Variants in PXDNL observed in about 807,000 individuals in gnomAD.
PXDNL encodes the protein probable oxidoreductase PXDNL.
A neutral mutation model predicts 150.8 loss-of-function variants in PXDNL; 145 were observed. The observed-to-expected ratio is 0.96, with a 90% CI of 0.84 to 1.10. The LOEUF (loss-of-function observed/expected upper bound fraction) is 1.10, where lower values mean the gene tolerates loss of function less well. PXDNL is among the 50% of genes least tolerant of loss of function. PXDNL has a pLI of 0.00. For missense variants in PXDNL, 2,087 were observed against 1,873.9 expected (o/e 1.11, Z -2.10); for synonymous variants, 757 against 725.7 (o/e 1.04, Z -0.69).
chr8:51,696,053 C>T (rs2130870789), intron 1 of PXDNL, among the ~76,000 whole-genome samples: 1 of 152,286 alleles, frequency 6.6e-6, no homozygotes, highest in East Asian at 1.9e-4. Flanking sequence ...AAACAAATGT[C>T]ATGCATTTCA....
intron 2 of PXDNL, among the ~76,000 whole-genome samples, chr8:51,641,905 A>C (rs1814765179): frequency 1.3e-5 from 2 of 152,306 alleles, no homozygotes; most frequent in South Asian, 4.1e-4. Flanking sequence ...ACACATGCAC[A>C]CGTATGTTTA....
At chr8:51,528,301 A>C (rs370671394) in intron 4 of PXDNL, among the ~76,000 whole-genome samples, 2,397 of 152,272 alleles carry the variant, frequency 0.016, 66 homozygotes, top group African/African-American at 0.055. Context: ...ACTGAAGACA[A>C]AAAGTGTGTT....
intron 22 of PXDNL, 121 bp downstream of exon 22, chr8:51,320,663 A>G: frequency 1.4e-6 from 1 of 711,158 alleles, no homozygotes. Flanking sequence ...GATCTTAAAA[A>G]TATGCCTAGA....
intron 2 of PXDNL, among the ~76,000 whole-genome samples, chr8:51,646,465 A>C (rs1404330893): frequency 1.3e-5 from 2 of 152,216 alleles, no homozygotes; most frequent in Non-Finnish European, 2.9e-5. Context: ...TATTTCAAAA[A>C]GGAGGAGTTG....
chr8:51,721,057 G>A (rs571441809), intron 1 of PXDNL, among the ~76,000 whole-genome samples: 60 of 152,358 alleles, frequency 3.9e-4, no homozygotes, highest in African/African-American at 1.2e-3. Context: ...TGCAGAGCCC[G>A]TGAACAAGTC....
intron 1 of PXDNL, among the ~76,000 whole-genome samples, chr8:51,796,697 A>G (rs1298177893): frequency 6.6e-6 from 1 of 152,220 alleles, no homozygotes; most frequent in African/African-American, 2.4e-5. Flanking sequence ...TTATCAACAA[A>G]AAAAAGCCCA....
At chr8:51,345,761 T>TA in intron 20 of PXDNL, 72 bp downstream of exon 20, 2 of 865,468 alleles carry the variant, frequency 2.3e-6, no homozygotes, top group Non-Finnish European at 3.7e-6. Flanking sequence ...TTAAAAAAGA[T>TA]AAAAACAAAT....
chr8:51,355,736 T>A (rs201136195), intron 19 of PXDNL, among the ~76,000 whole-genome samples: 1 of 152,188 alleles, frequency 6.6e-6, no homozygotes, highest in East Asian at 1.9e-4. Context: ...AATTAGTAGA[T>A]TGGTAACAAG....
intron 1 of PXDNL, among the ~76,000 whole-genome samples, chr8:51,808,224 G>A (rs995498559): frequency 5.3e-5 from 8 of 152,080 alleles, no homozygotes; most frequent in Admixed American, 5.2e-4. Flanking sequence ...CCCAAGAATG[G>A]ACTTGAAACA....
chr8:51,572,751 T>C (rs1812974397), intron 3 of PXDNL, among the ~76,000 whole-genome samples: 1 of 151,960 alleles, frequency 6.6e-6, no homozygotes, highest in Non-Finnish European at 1.5e-5. Context: ...GAATAAAATT[T>C]TATCACATAT....
chr8:51,744,543 G>T (rs1357099363), intron 1 of PXDNL, among the ~76,000 whole-genome samples: 1 of 149,496 alleles, frequency 6.7e-6, no homozygotes, highest in African/African-American at 2.4e-5. Context: ...GGGCGTGGTG[G>T]CAGGCGCCTG....
chr8:51,565,321 A>AATAAATAGATAGATAGATAGATAG (rs569762504), intron 3 of PXDNL, among the ~76,000 whole-genome samples: 17 of 135,532 alleles, frequency 1.3e-4, no homozygotes, highest in African/African-American at 3.5e-4. Flanking sequence ...TAAATAAATA[A>AATAAATAGATAGATAGATAGATAG]ATAGATAGAT....
At chr8:51,718,491 C>G (rs1321304930) in intron 1 of PXDNL, among the ~76,000 whole-genome samples, 2 of 152,214 alleles carry the variant, frequency 1.3e-5, no homozygotes, top group Non-Finnish European at 1.5e-5. Flanking sequence ...AAAAAGATAG[C>G]AGGCTTCCAA....
chr8:51,410,821 C>A (rs1184304914), intron 16 of PXDNL, among the ~76,000 whole-genome samples: 2 of 151,936 alleles, frequency 1.3e-5, no homozygotes, highest in Admixed American at 1.3e-4. Context: ...AAACAAAAAT[C>A]AAAAGAACTG....
intron 12 of PXDNL, among the ~76,000 whole-genome samples, chr8:51,442,385 T>C (rs1412987761): frequency 6.6e-6 from 1 of 151,422 alleles, no homozygotes; most frequent in Non-Finnish European, 1.5e-5. Flanking sequence ...TGATGACTTA[T>C]CACTCAACTC....
intron 2 of PXDNL, among the ~76,000 whole-genome samples, chr8:51,623,627 C>A (rs531200659): frequency 6.6e-6 from 1 of 152,234 alleles, no homozygotes; most frequent in Non-Finnish European, 1.5e-5. Flanking sequence ...ACCCAGCAGA[C>A]CCGTGGGCAC....
chr8:51,356,925 A>T (rs1003641540), intron 19 of PXDNL, among the ~76,000 whole-genome samples: 1 of 152,160 alleles, frequency 6.6e-6, no homozygotes, highest in Non-Finnish European at 1.5e-5. Flanking sequence ...GCACTGAATT[A>T]TTATGTTTCT....
chr8:51,447,662 C>T lies in PXDNL; in HGVS notation c.1367-500G>A, dbSNP rs535038687. On this transcript the variant is annotated intron_variant, in intron 11 of 22. Coordinates refer to ENST00000356297, the MANE Select transcript of PXDNL (RefSeq NM_144651.5). ...CAACCAGAGGCCATTGTACTTTGCA[C>T]TGCTGAGCTTATATGAGCCTCTGAA... Among the ~76,000 whole-genome samples the T allele has an allele frequency of 3.3e-5, 5 of 152,298 alleles. No homozygotes were observed. The East Asian group carries it at 7.7e-4, about 23-fold the overall frequency.
rs1208170909 is a variant in PXDNL at position 51,793,325 on chromosome 8, C to T, written c.164+15856G>A. On this transcript the variant is annotated intron_variant, in intron 1 of 22. Coordinates refer to ENST00000356297, the MANE Select transcript of PXDNL (RefSeq NM_144651.5). ...CAAAAAAGCCCCCACAAAAACTCCA[C>T]AAAGGTCAGCAGCCTCAAAGATCAA... is the stretch of plus-strand genomic sequence containing the variant. Among the ~76,000 whole-genome samples, 10 of 152,170 alleles carry T rather than the reference C, an allele frequency of 6.6e-5. No individual in the cohort carries two copies. The East Asian group carries it at 1.5e-3, about 23-fold the overall frequency.
Sources: gnomAD v4.1 joint callset for allele counts (sites outside exome capture counted in the v4.1 genomes callset) on GRCh38, gnomAD v4.1.1 for gene constraint, MANE v1.5 for transcripts, NCBI Gene and HGNC (gene_info 2026-07-23, HGNC 2026-07-21) for gene names.